Variants in ADPRHL1 observed in about 807,000 individuals in gnomAD.
ADPRHL1 encodes the protein inactive ADP-ribosyltransferase ARH2.
Under a neutral mutation model 44.1 loss-of-function variants are expected in ADPRHL1, and 43 were observed. The observed-to-expected ratio is 0.98, with a 90% CI of 0.76 to 1.26. The LOEUF (loss-of-function observed/expected upper bound fraction) is 1.26. Among genes scored for constraint, ADPRHL1 ranks in the 50% most tolerant of loss-of-function variants. The pLI is 0.00. For missense variants in ADPRHL1, 2,022 were observed against 2,496.9 expected (o/e 0.81, Z 4.05); for synonymous variants, 878 against 1,017.4 (o/e 0.86, Z 2.61).
rs1413494777 is a variant in ADPRHL1, at chr13:113,404,407, C to G, written c.4875G>C (p.Gln1625His). 1 of 1,326,222 alleles carries G rather than the reference C, an allele frequency of 7.5e-7. No homozygotes were observed. The highest frequency in any genetic ancestry group is 9.6e-7 in the Non-Finnish European group (1 of 1,046,002). The allele number at this position is 1,326,222 out of a possible 1,614,324, so 82.2% of individuals were successfully genotyped here. Residue 1625 changes from glutamine to histidine, a missense_variant, in exon 8 of 8, where the codon CAG becomes CAC. Gln to His is a conservative substitution (Grantham distance 24, BLOSUM62 0). Transcript: ENST00000612156. ...QAQWQTQIKAQKWAQEQTQKG... is the reference protein window; with the variant it reads ...QAQWQTQIKAHKWAQEQTQKG... ...TCTGGGTCTGTTCCTGAGCCCATTT[C>G]TGGGCCTTTATCTGGGTCTGCCACT...
intron 2 of ADPRHL1, among the ~76,000 whole-genome samples, chr13:113,434,543 C>T (rs2044033510): frequency 6.8e-6 from 1 of 147,414 alleles, no homozygotes; most frequent in African/African-American, 2.5e-5. Context: ...ACAGGTGTAC[C>T]CCGGGACCCG....
intron 2 of ADPRHL1, among the ~76,000 whole-genome samples, chr13:113,442,205 A>G (rs537824791): frequency 6.6e-6 from 1 of 152,360 alleles, no homozygotes; most frequent in South Asian, 2.1e-4. Context: ...CCGTAATCTC[A>G]GCATTTTGGG....
chr13:113,452,715 T>G (rs2044186556), intron 1 of ADPRHL1, among the ~76,000 whole-genome samples: 1 of 152,248 alleles, frequency 6.6e-6, no homozygotes, highest in South Asian at 2.1e-4. Context: ...GGAGATGATA[T>G]TCTAACTTTA....
intron 7 of ADPRHL1, among the ~76,000 whole-genome samples, chr13:113,415,805 T>A (rs934471535): frequency 7.4e-5 from 11 of 148,712 alleles, no homozygotes; most frequent in Non-Finnish European, 1.5e-4. Flanking sequence ...GCCTCCTTAG[T>A]AGTTTTTTTA....
intron 7 of ADPRHL1, among the ~76,000 whole-genome samples, chr13:113,411,406 G>A (rs1359918370): frequency 6.6e-6 from 1 of 152,198 alleles, no homozygotes; most frequent in Non-Finnish European, 1.5e-5. Flanking sequence ...GGTTGGACTA[G>A]CTGCATGTCC....
Position 113,407,160 on chromosome 13 carries a change from A to G in ADPRHL1, c.2122T>C (p.Ser708Pro). ...DGHAVPSLAFSCAPCTGGVLP... is the reference protein window; with the variant it reads ...DGHAVPSLAFPCAPCTGGVLP... ...ACTCCACCTGTGCAGGGAGCACAAG[A>G]GAAGGCCAGCGAGGGGACAGCGTGG... is the stretch of plus-strand genomic sequence containing the variant. The change falls in exon 8 of 8, where the codon TCT becomes CCT. Residue 708 changes from serine to proline, a missense_variant. Transcript: ENST00000612156. 1 of 1,232,232 alleles carries G rather than the reference A, an allele frequency of 8.1e-7. No homozygotes were observed. The highest frequency in any genetic ancestry group is 1.0e-6 in the Non-Finnish European group (1 of 988,038). 76.3% of individuals were successfully genotyped at this position (1,232,232 alleles called of 1,614,324 possible). A position where few individuals can be genotyped will look rare whatever the true frequency, so the allele number is the denominator to read the frequency against.
At chr13:113,450,013 A>G (rs2044168582) in intron 1 of ADPRHL1, among the ~76,000 whole-genome samples, 1 of 152,228 alleles carries the variant, frequency 6.6e-6, no homozygotes, top group Admixed American at 6.5e-5. Context: ...TGTGAGGAGC[A>G]TGTGTGGAGG....
At chr13:113,410,590 G>A (rs1351391634) in intron 7 of ADPRHL1, among the ~76,000 whole-genome samples, 4 of 152,186 alleles carry the variant, frequency 2.6e-5, no homozygotes, top group African/African-American at 9.7e-5. Context: ...TGCCAGGCAC[G>A]CCCTCGTTCT....
intron 3 of ADPRHL1, 141 bp downstream of exon 3, chr13:113,433,600 CT>C: frequency 2.1e-6 from 3 of 1,400,150 alleles, no homozygotes; most frequent in Non-Finnish European, 2.8e-6. Flanking sequence ...GCAGGGTCAG[CT>C]TCTGTCTCCT....
intron 1 of ADPRHL1, chr13:113,448,861 G>A (rs2044160107): frequency 3.8e-6 from 3 of 785,600 alleles, no homozygotes. Context: ...AGGGAGGAAG[G>A]CCCTGGGAGG....
chr13:113,438,702 A>G (rs1054499167), intron 2 of ADPRHL1, among the ~76,000 whole-genome samples: 1 of 152,164 alleles, frequency 6.6e-6, no homozygotes, highest in African/African-American at 2.4e-5. Flanking sequence ...TTTCTTTTTT[A>G]TAATAGAGAT....
At chr13:113,423,602 C>T (rs1036038124) in intron 6 of ADPRHL1, among the ~76,000 whole-genome samples, 1 of 152,264 alleles carries the variant, frequency 6.6e-6, no homozygotes. Context: ...AGAACCATAA[C>T]AGCTGCTCCC....
At chr13:113,422,753 G>A (rs2043934908) in intron 7 of ADPRHL1, 73 bp downstream of exon 7, 17 of 1,580,038 alleles carry the variant, frequency 1.1e-5, no homozygotes, top group Non-Finnish European at 1.5e-5. Context: ...CTCACCCAGG[G>A]GCTGCGAGAG....
intron 5 of ADPRHL1, 79 bp downstream of exon 5, chr13:113,424,973 C>T (rs56292465): frequency 1.3e-6 from 2 of 1,550,514 alleles, no homozygotes; most frequent in Admixed American, 1.8e-5. Flanking sequence ...TACCCACCCA[C>T]CCATCCATCC....
chr13:113,415,534 C>A, intron 7 of ADPRHL1, among the ~76,000 whole-genome samples: 1 of 152,208 alleles, frequency 6.6e-6, no homozygotes, highest in South Asian at 2.1e-4. Context: ...AGGCGGATCA[C>A]GAGGTCAGGA....
intron 3 of ADPRHL1, among the ~76,000 whole-genome samples, chr13:113,430,876 G>A (rs559990718): frequency 6.6e-6 from 1 of 152,174 alleles, no homozygotes; most frequent in East Asian, 1.9e-4. Context: ...GCCATGCAGG[G>A]GAGCAGTGAC....
At chr13:113,422,787 A>T (rs1444186957) in intron 7 of ADPRHL1, 39 bp downstream of exon 7, 1 of 1,611,058 alleles carries the variant, frequency 6.2e-7, no homozygotes, top group Non-Finnish European at 8.5e-7. Flanking sequence ...CCGGGGTGGA[A>T]TCGGCTCTCT....
chr13:113,409,830 A>G lies in ADPRHL1; in HGVS notation c.1062-1610T>C, dbSNP rs1033551878. 8.9e-6 allele frequency: 7 copies of G among 786,226 alleles called. No homozygotes were observed. The East Asian group carries it at 9.2e-4, about 104-fold the overall frequency. 48.7% of individuals were successfully genotyped at this position (786,226 alleles called of 1,614,324 possible). On this transcript the variant is annotated intron_variant, in intron 7 of 7. Coordinates refer to ENST00000612156, the MANE Select transcript of ADPRHL1 (RefSeq NM_001394807.1). The surrounding 1 kb of genome is among the most constrained non-coding windows in gnomAD (Gnocchi z 4.2). Reference sequence around the variant, plus strand: ...CGTGAACCCAGGAGGCAGAGCTTGCAGTGAGCCGAGATCGCACCACTGCAC... The same window carrying G: ...CGTGAACCCAGGAGGCAGAGCTTGCGGTGAGCCGAGATCGCACCACTGCAC...
In ADPRHL1 at chr13:113,429,018, TCC is replaced by T; in HGVS notation, c.578_579del (p.Gly193GlufsTer32). 6.2e-7 allele frequency: 1 copy of T among 1,612,728 alleles called. No individual in the cohort carries two copies. The highest frequency in any genetic ancestry group is 8.5e-7 in the Non-Finnish European group (1 of 1,179,970). The part of the protein sequence containing the change: ...AAQGKPLVQW[G>X]RDMLRAVPLA... ...AGAGGCACCGCCCGCAGCATGTCTC[TCC>T]CCCACTGGACCAGGGGCTTTCCTTG... On this transcript the variant is annotated frameshift_variant, in exon 4 of 8. Coordinates refer to ENST00000612156, the MANE Select transcript of ADPRHL1 (RefSeq NM_001394807.1). LOFTEE classifies it high-confidence loss of function.
Sources: allele counts gnomAD v4.1 joint callset (sites outside exome capture counted in the v4.1 genomes callset), GRCh38; gene constraint gnomAD v4.1.1; non-coding constraint Gnocchi (gnomAD v3.1); transcripts MANE v1.5; gene names NCBI Gene and HGNC (gene_info 2026-07-23, HGNC 2026-07-21).